The following ZNF761 variants were observed in gnomAD, a reference collection of about 807,000 sequenced individuals.
ZNF761 encodes the protein zinc finger protein 761.
In ZNF761, 43 loss-of-function variants were observed where a neutral mutation model predicts 59.9. That is an observed-to-expected ratio of 0.72 (90% confidence interval 0.56 to 0.92). The LOEUF is 0.92. Among genes scored for constraint, ZNF761 ranks in the 40% least tolerant of loss-of-function variants. The pLI is 0.00. For missense variants in ZNF761, 850 were observed against 906.1 expected (o/e 0.94, Z 0.79); for synonymous variants, 294 against 304.8 (o/e 0.96, Z 0.37).
At chr19:53,450,992 CAAA>C (rs34019664) in intron 4 of ZNF761, among the ~76,000 whole-genome samples, 4 of 121,990 alleles carry the variant, frequency 3.3e-5, no homozygotes, top group African/African-American at 2.8e-5. Flanking sequence ...GACTCTGTCT[CAAA>C]AAAAAAAAAA....
In ZNF761 at chr19:53,455,569, C is replaced by T; in HGVS notation, c.1062C>T (p.Tyr354=). Residue 354 remains tyrosine, a synonymous_variant, in exon 5 of 5, where the codon TAC becomes TAT. Transcript: ENST00000684525. ...HHRLHTGEKP[Y]KCNECGKTFS... is the part of the protein sequence containing the mutation. ...GACTTCATACTGGAGAGAAACCTTACAAGTGTAATGAGTGTGGCAAGACCT... is the reference window on the plus strand; with the variant it reads ...GACTTCATACTGGAGAGAAACCTTATAAGTGTAATGAGTGTGGCAAGACCT... 6.2e-7 allele frequency: 1 copy of T among 1,612,976 alleles called. No homozygotes were observed. The highest frequency in any genetic ancestry group is 8.5e-7 in the Non-Finnish European group (1 of 1,179,524).
rs1319359535 is a variant in ZNF761, at chr19:53,449,597, G to A, written c.101G>A (p.Arg34Lys). 1 of 1,611,810 alleles carries A rather than the reference G, an allele frequency of 6.2e-7. No homozygotes were observed. Among genetic ancestry groups the A allele is most frequent in the East Asian group, 2.2e-5 (1 of 44,874 alleles). The change falls in exon 4 of 5, where the codon AGG (arginine) becomes AAG (lysine). Residue 34 changes from arginine to lysine, a missense_variant. Physicochemically the swap from Arg to Lys is conservative, Grantham distance 26. Transcript: ENST00000684525. ...GACCCTGCTCAGAGGACTCTATACA[G>A]GGACGTGATGCTGGAGAATTATAGG... ...CLDPAQRTLYRDVMLENYRNL... is the reference protein window; with the variant it reads ...CLDPAQRTLYKDVMLENYRNL...
chr19:53,454,336 G>A (rs1451436153), intron 4 of ZNF761, among the ~76,000 whole-genome samples: 1 of 152,142 alleles, frequency 6.6e-6, no homozygotes, highest in Non-Finnish European at 1.5e-5. Context: ...TGATATGACA[G>A]TGATATGTTT....
rs150388881 is a variant in ZNF761, at chr19:53,445,560, G to A, written c.-184-667G>A. On this transcript the variant is annotated intron_variant, in intron 1 of 4. Coordinates refer to ENST00000684525, the MANE Select transcript of ZNF761 (RefSeq NM_001289951.2). ...GGGCTAGACCAGAAAAGCTCAACCCGAGTGACCCAGTCCCCTGAAATGATC... is the reference window on the plus strand; with the variant it reads ...GGGCTAGACCAGAAAAGCTCAACCCAAGTGACCCAGTCCCCTGAAATGATC... Among the ~76,000 whole-genome samples the A allele has an allele frequency of 3.0e-3, 453 of 152,156 alleles. 4 individuals carry two copies. Among genetic ancestry groups the A allele is most frequent in the African/African-American group, 0.01 (435 of 41,520 alleles).
At chr19:53,432,253 A>G (rs1444986820) in intron 1 of ZNF761, among the ~76,000 whole-genome samples, 2 of 151,970 alleles carry the variant, frequency 1.3e-5, no homozygotes, top group Non-Finnish European at 2.9e-5. Flanking sequence ...CAATGTATAC[A>G]CTTTCTAACC....
chr19:53,444,315 G>A (rs1284610165), intron 1 of ZNF761: 1 of 152,218 alleles, frequency 6.6e-6, no homozygotes, highest in African/African-American at 2.4e-5. Flanking sequence ...AAACCTGATT[G>A]TACATTCTAT....
Position 53,456,320 on chromosome 19 carries a change from C to T in ZNF761, c.1813C>T (p.Pro605Ser). 6.2e-7 allele frequency: 1 copy of T among 1,610,434 alleles called. No individual in the cohort carries two copies. The highest frequency in any genetic ancestry group is 8.5e-7 in the Non-Finnish European group (1 of 1,177,668). The change falls in exon 5 of 5, where the codon CCT (proline) becomes TCT (serine). Residue 605 changes from proline to serine, a missense_variant. Coordinates refer to ENST00000684525, the MANE Select transcript of ZNF761 (RefSeq NM_001289951.2). ...TCAGAAAATTCATACTGAAGAGAAT[C>T]CTTACAAGTGTAATGAGTGTGGCAA... ...IHQKIHTEEN[P>S]YKCNECGKTF... is the part of the protein sequence containing the mutation.
chr19:53,438,278 A>T (rs2086063514), intron 1 of ZNF761, among the ~76,000 whole-genome samples: 3 of 152,168 alleles, frequency 2.0e-5, no homozygotes, highest in Non-Finnish European at 4.4e-5. Context: ...CGGGACAGTT[A>T]GTTGCTGTCC....
rs1037865866 is a variant in ZNF761, at chr19:53,457,151, A to C, written c.*403A>C. On this transcript the variant is annotated 3_prime_UTR_variant, in exon 5 of 5. Transcript: ENST00000684525. Reference sequence around the variant, plus strand: ...GTCAGGCAATCCATGGTGTAGGGAAACTTTACTAAGGTAATGATTGTCACA... The same window carrying C: ...GTCAGGCAATCCATGGTGTAGGGAACCTTTACTAAGGTAATGATTGTCACA... 16 of 515,294 alleles carry C rather than the reference A, an allele frequency of 3.1e-5. No individual in the cohort carries two copies. The highest frequency in any genetic ancestry group is 2.5e-4 in the African/African-American group (13 of 51,400). The allele number at this position is 515,294 out of a possible 1,614,324, so 31.9% of individuals were successfully genotyped here. A position where few individuals can be genotyped will look rare whatever the true frequency, so the allele number is the denominator to read the frequency against.
At position 53,454,695 on chromosome 19, in the gene ZNF761, A is replaced by C; in HGVS notation, c.188A>C (p.Gln63Pro). ...ATGAAGGAGTTCTTGTCAACAGCGC[A>C]AGGCAACAGAGAAGTGTTCCATGCA... ...CTMKEFLSTA[Q>P]GNREVFHAGT... The change falls in exon 5 of 5, where the codon CAA becomes CCA. Residue 63 changes from glutamine (Q) to proline (P), a missense_variant. Gln to Pro is a moderately conservative substitution (Grantham distance 76, BLOSUM62 -1). Coordinates refer to ENST00000684525, the MANE Select transcript of ZNF761 (RefSeq NM_001289951.2). 1 of 1,612,086 alleles carries C rather than the reference A, an allele frequency of 6.2e-7. No individual in the cohort carries two copies. Among genetic ancestry groups the C allele is most frequent in the East Asian group, 2.2e-5 (1 of 44,864 alleles).
chr19:53,445,089 T>A (rs887276129), intron 1 of ZNF761: 22 of 151,914 alleles, frequency 1.4e-4, no homozygotes, highest in African/African-American at 5.3e-4. Context: ...CAAGCGATTC[T>A]CCTGCCTCAG....
intron 1 of ZNF761, among the ~76,000 whole-genome samples, chr19:53,438,858 C>T (rs2086069363): frequency 6.6e-6 from 1 of 152,108 alleles, no homozygotes; most frequent in Non-Finnish European, 1.5e-5. Flanking sequence ...TCCTGGGTTC[C>T]CCGATAACAC....
At chr19:53,441,067 AG>A (rs1281011786) in intron 1 of ZNF761, among the ~76,000 whole-genome samples, 3 of 152,206 alleles carry the variant, frequency 2.0e-5, no homozygotes, top group African/African-American at 7.2e-5. Flanking sequence ...GGGTCACCTA[AG>A]GTGAGGAGTT....
rs142735502 is a variant in ZNF761, at chr19:53,453,325, C to T, written c.143-1325C>T. Reference sequence around the variant, plus strand: ...AATTCTTATTCCTTATAATGCTGTGCACTTCTTTGACCTCATAAATCAGAT... The same window carrying T: ...AATTCTTATTCCTTATAATGCTGTGTACTTCTTTGACCTCATAAATCAGAT... On this transcript the variant is annotated intron_variant, in intron 4 of 4. Coordinates refer to ENST00000684525, the MANE Select transcript of ZNF761 (RefSeq NM_001289951.2). Among the ~76,000 whole-genome samples the T allele has an allele frequency of 3.2e-3, 489 of 152,244 alleles. 2 individuals carry two copies. The highest frequency in any genetic ancestry group is 6.8e-3 in the Middle Eastern group (2 of 294).
intron 1 of ZNF761, among the ~76,000 whole-genome samples, chr19:53,432,978 G>A (rs28523698): frequency 0.021 from 3,142 of 150,664 alleles, 57 homozygotes; most frequent in Admixed American, 0.055. Flanking sequence ...CTGGTGGCAA[G>A]GAGAACAGAG....
chr19:53,450,514 G>A (rs1157759756), intron 4 of ZNF761, among the ~76,000 whole-genome samples: 1 of 151,722 alleles, frequency 6.6e-6, no homozygotes, highest in East Asian at 1.9e-4. Flanking sequence ...TTTCTTGTAG[G>A]TTTTTTTTGT....
Position 53,455,907 on chromosome 19 carries a change from A to G in ZNF761, c.1400A>G (p.Lys467Arg). 1.2e-6 allele frequency: 2 copies of G among 1,613,942 alleles called. No homozygotes were observed. ...CGTCATACTGGAGAGCAACCTTACA[A>G]ATGTGAAGAATGTGACAAAGCTTTC... ...RRRHTGEQPYKCEECDKAFRF... is the reference protein window; with the variant it reads ...RRRHTGEQPYRCEECDKAFRF... Residue 467 changes from lysine to arginine, a missense_variant, in exon 5 of 5, where the codon AAA becomes AGA. Coordinates refer to ENST00000684525, the MANE Select transcript of ZNF761 (RefSeq NM_001289951.2).
At chr19:53,432,430 C>A (rs1259170237) in intron 1 of ZNF761, among the ~76,000 whole-genome samples, 1 of 152,122 alleles carries the variant, frequency 6.6e-6, no homozygotes, top group Non-Finnish European at 1.5e-5. Flanking sequence ...TCCTGCAGAC[C>A]CCACCCTTGC....
intron 4 of ZNF761, 139 bp from the exon 5 acceptor site, chr19:53,454,511 T>C (rs932615054): frequency 1.1e-4 from 87 of 821,780 alleles, no homozygotes; most frequent in Non-Finnish European, 1.4e-4. Flanking sequence ...AAGAATCTTA[T>C]GCTTTTCTGT....
Sources: gnomAD v4.1 joint callset for allele counts (sites outside exome capture counted in the v4.1 genomes callset) on GRCh38, gnomAD v4.1.1 for gene constraint, MANE v1.5 for transcripts, NCBI Gene and HGNC (gene_info 2026-07-23, HGNC 2026-07-21) for gene names.